The following STAT1 variants were observed in gnomAD, a reference collection of about 807,000 sequenced individuals.
STAT1 encodes signal transducer and activator of transcription 1, also known as signal transducer and activator of transcription 1-alpha/beta.
A neutral mutation model predicts 111.7 loss-of-function variants in STAT1; 24 were observed. The ratio of observed to expected loss-of-function variants is 0.21; its 90% CI spans 0.16 to 0.30. STAT1 has a LOEUF of 0.30. Ranked by LOEUF, STAT1 falls within the 10% of genes least tolerant of loss-of-function variation. The pLI is 1.00. For synonymous variants in STAT1, 332 were observed against 326.5 expected, an observed-to-expected ratio of 1.02 and a Z score of -0.18; for missense variants, 351 against 911.9, an observed-to-expected ratio of 0.38 and a Z score of 7.92.
In STAT1 at chr2:190,976,762, TG is replaced by T. The variant is rs2124999632; in HGVS notation, c.2059+77del. On this transcript the variant is annotated intron_variant, in intron 22 of 24. Coordinates refer to ENST00000361099, the MANE Select transcript of STAT1 (RefSeq NM_007315.4). The surrounding 1 kb of genome is among the most constrained non-coding windows in gnomAD (Gnocchi z 6.0). ...ACCAATTCGAAAGCAAAACACTGCA[TG>T]GGTGGAGTTTCAGAATAATCACCCC... 1 of 1,282,220 alleles carries T rather than the reference TG, an allele frequency of 7.8e-7. No homozygotes were observed. Among genetic ancestry groups the T allele is most frequent in the South Asian group, 1.2e-5 (1 of 83,276 alleles). 79.4% of individuals were successfully genotyped at this position (1,282,220 alleles called of 1,614,324 possible).
intron 2 of STAT1, 129 bp downstream of exon 2, chr2:191,013,396 T>A (rs997383192): frequency 4.4e-5 from 16 of 366,394 alleles, no homozygotes; most frequent in Non-Finnish European, 7.7e-5. Context: ...GGGTGGGGGG[T>A]CTGCAAAAAC....
In STAT1 at chr2:190,976,745, G is replaced by A. The variant is rs1691934651; in HGVS notation, c.2059+95C>T. ...TTTGAAAGCCTACTCTTACCAATTC[G>A]AAAGCAAAACACTGCATGGGTGGAG... On this transcript the variant is annotated intron_variant, in intron 22 of 24. Transcript: ENST00000361099. The surrounding 1 kb of genome is among the most constrained non-coding windows in gnomAD (Gnocchi z 6.0). 2 of 1,146,240 alleles carry A rather than the reference G, an allele frequency of 1.7e-6. No individual in the cohort carries two copies. The highest frequency in any genetic ancestry group is 2.6e-6 in the Non-Finnish European group (2 of 761,218). The allele number at this position is 1,146,240 out of a possible 1,614,324, so 71.0% of individuals were successfully genotyped here.
chr2:190,994,304 G>A (rs535138015), intron 10 of STAT1, among the ~76,000 whole-genome samples: 28 of 152,250 alleles, frequency 1.8e-4, no homozygotes, highest in African/African-American at 5.5e-4. Flanking sequence ...AAGGGGGGCC[G>A]TGAATGCCCA....
chr2:190,974,956 G>C lies in STAT1; in HGVS notation c.2136-24C>G. Reference sequence around the variant, plus strand: ...GACTAAAATGGGGAAAAAGAAAAGAGCAATGTCAACATCTGAGTGATGAAA... The same window carrying C: ...GACTAAAATGGGGAAAAAGAAAAGACCAATGTCAACATCTGAGTGATGAAA... On this transcript the variant is annotated intron_variant, in intron 23 of 24. Transcript: ENST00000361099. The surrounding 1 kb of genome is among the most constrained non-coding windows in gnomAD (Gnocchi z 4.8). The C allele has an allele frequency of 1.9e-6, 3 of 1,555,034 alleles. No individual in the cohort carries two copies. Among genetic ancestry groups the C allele is most frequent in the Non-Finnish European group, 2.7e-6 (3 of 1,126,948 alleles).
rs1035367119 is a variant in STAT1, at chr2:190,990,895, G to A, written c.1037+333C>T. Among the ~76,000 whole-genome samples the A allele has an allele frequency of 2.0e-5, 3 of 152,140 alleles. No individual in the cohort carries two copies. The highest frequency in any genetic ancestry group is 2.0e-4 in the Admixed American group (3 of 15,284). The stretch of plus-strand genomic sequence containing the variant: ...CTGGGGTTCATAAGGCTCAGGTTAT[G>A]AGCCTATGCCCAAGAGGGGTGAGGC... On this transcript the variant is annotated intron_variant, in intron 11 of 24. Coordinates refer to ENST00000361099, the MANE Select transcript of STAT1 (RefSeq NM_007315.4). The surrounding 1 kb of genome is among the most constrained non-coding windows in gnomAD (Gnocchi z 5.1).
intron 10 of STAT1, among the ~76,000 whole-genome samples, chr2:190,994,025 A>G (rs1212263928): frequency 6.6e-6 from 1 of 152,216 alleles, no homozygotes; most frequent in Admixed American, 6.5e-5. Flanking sequence ...ACGAAGGGTG[A>G]CTGTAGGCCA....
In STAT1 at chr2:190,986,757, G is replaced by A. The variant is rs1417787756; in HGVS notation, c.1221+97C>T. The A allele has an allele frequency of 3.4e-6, 4 of 1,178,972 alleles. No homozygotes were observed. Among genetic ancestry groups the A allele is most frequent in the Non-Finnish European group, 5.1e-6 (4 of 785,532 alleles). The allele number at this position is 1,178,972 out of a possible 1,614,324, so 73.0% of individuals were successfully genotyped here. On this transcript the variant is annotated intron_variant, in intron 14 of 24. Coordinates refer to ENST00000361099, the MANE Select transcript of STAT1 (RefSeq NM_007315.4). This position sits in a 1 kb window ranked among gnomAD's most constrained non-coding sequence, Gnocchi z 5.0. ...CAAAGTCTACAAACCCCAGCAGGGG[G>A]GCGTCCTCCACATGGCAATGTGCCA...
rs1559018883 is a variant in STAT1, at chr2:190,997,849, A to C, written c.785+7T>G. ...AGCTGCCAGTTTTCTGCTTTGGAGA[A>C]TCTTACCAGTTCTGCAGCTGATCCA... On this transcript the variant is annotated splice_region_variant and intron_variant, in intron 9 of 24. Coordinates refer to ENST00000361099, the MANE Select transcript of STAT1 (RefSeq NM_007315.4). The surrounding 1 kb of genome is among the most constrained non-coding windows in gnomAD (Gnocchi z 7.3). 6.2e-7 allele frequency: 1 copy of C among 1,614,172 alleles called. No individual in the cohort carries two copies. Among genetic ancestry groups the C allele is most frequent in the Admixed American group, 1.7e-5 (1 of 60,022 alleles).
intron 10 of STAT1, chr2:190,992,720 TC>T: frequency 8.4e-7 from 1 of 1,190,766 alleles, no homozygotes; most frequent in Admixed American, 2.8e-5. Context: ...CAGCTGTTGC[TC>T]CAGGACCCAT....
rs1195761738 is a variant in STAT1 at position 191,012,124 on chromosome 2, C to G, written c.-2+1401G>C. On this transcript the variant is annotated intron_variant, in intron 2 of 24. Coordinates refer to ENST00000361099, the MANE Select transcript of STAT1 (RefSeq NM_007315.4). This position sits in a 1 kb window ranked among gnomAD's most constrained non-coding sequence, Gnocchi z 4.0. ...CACAGAAGAGGTGAATTAATAAGCTCATGTTTGGGCTGGCCAGGTGGCTCA... is the reference window on the plus strand; with the variant it reads ...CACAGAAGAGGTGAATTAATAAGCTGATGTTTGGGCTGGCCAGGTGGCTCA... Among the ~76,000 whole-genome samples the G allele has an allele frequency of 6.6e-6, 1 of 151,234 alleles. No homozygotes were observed. Among genetic ancestry groups the G allele is most frequent in the Non-Finnish European group, 1.5e-5 (1 of 67,856 alleles).
rs1033248 is a variant in STAT1, at chr2:190,981,365, C to G, written c.1583-696G>C. Among the ~76,000 whole-genome samples the G allele has an allele frequency of 0.99, 150,931 of 152,360 alleles. 74,773 individuals are homozygous for G. Among genetic ancestry groups the G allele is most frequent in the Middle Eastern group, 1 (294 of 294 alleles). On this transcript the variant is annotated intron_variant, in intron 18 of 24. Transcript: ENST00000361099. This position sits in a 1 kb window ranked among gnomAD's most constrained non-coding sequence, Gnocchi z 4.1. ...CCTCCAAATAGGACATGGGCTCAGGCAGTCTGATGCAAATCAAAAACCAAG... is the reference window on the plus strand; with the variant it reads ...CCTCCAAATAGGACATGGGCTCAGGGAGTCTGATGCAAATCAAAAACCAAG...
chr2:190,984,474 A>G lies in STAT1; in HGVS notation c.1264-81T>C. On this transcript the variant is annotated intron_variant, in intron 15 of 24. Coordinates refer to ENST00000361099, the MANE Select transcript of STAT1 (RefSeq NM_007315.4). This position sits in a 1 kb window ranked among gnomAD's most constrained non-coding sequence, Gnocchi z 5.2. The stretch of plus-strand genomic sequence containing the variant: ...TTTCAAAAGCCCAATTAACATTGCA[A>G]CAGGCCACAGAGATCCTGGGCCCAA... 1 of 1,199,672 alleles carries G rather than the reference A, an allele frequency of 8.3e-7. No individual in the cohort carries two copies. Among genetic ancestry groups the G allele is most frequent in the Admixed American group, 1.9e-5 (1 of 52,826 alleles). 74.3% of individuals were successfully genotyped at this position (1,199,672 alleles called of 1,614,324 possible).
rs1408360611 is a variant in STAT1 at position 190,998,184 on chromosome 2, A to C, written c.633+33T>G. 1 of 1,594,638 alleles carries C rather than the reference A, an allele frequency of 6.3e-7. No homozygotes were observed. Among genetic ancestry groups the C allele is most frequent in the South Asian group, 1.1e-5 (1 of 90,696 alleles). On this transcript the variant is annotated intron_variant, in intron 8 of 24. Coordinates refer to ENST00000361099, the MANE Select transcript of STAT1 (RefSeq NM_007315.4). The surrounding 1 kb of genome is among the most constrained non-coding windows in gnomAD (Gnocchi z 4.1). ...TCCATTATTTACAGTGTATAACAAAAGTGGCATGCTATTCTGGAAAGTAAA... is the reference window on the plus strand; with the variant it reads ...TCCATTATTTACAGTGTATAACAAACGTGGCATGCTATTCTGGAAAGTAAA...
chr2:190,991,836 G>A (rs1166719551), intron 10 of STAT1, among the ~76,000 whole-genome samples: 1 of 152,020 alleles, frequency 6.6e-6, no homozygotes, highest in Non-Finnish European at 1.5e-5. Flanking sequence ...CAGTCTGGAT[G>A]ACAGAGTGAG....
Position 191,007,187 on chromosome 2 carries a change from C to G in STAT1, c.372+376G>C, listed in dbSNP as rs922748770. Among the ~76,000 whole-genome samples, 1 of 152,234 alleles carries G rather than the reference C, an allele frequency of 6.6e-6. No individual in the cohort carries two copies. The highest frequency in any genetic ancestry group is 2.4e-5 in the African/African-American group (1 of 41,462). Reference sequence around the variant, plus strand: ...AAGCTTCCACTGCCTCTACCTTGGACAGCTGCAAGAACCCTCTATCTGCCT... The same window carrying G: ...AAGCTTCCACTGCCTCTACCTTGGAGAGCTGCAAGAACCCTCTATCTGCCT... On this transcript the variant is annotated intron_variant, in intron 5 of 24. Coordinates refer to ENST00000361099, the MANE Select transcript of STAT1 (RefSeq NM_007315.4). This position sits in a 1 kb window ranked among gnomAD's most constrained non-coding sequence, Gnocchi z 4.2.
chr2:190,979,022 C>A lies in STAT1; in HGVS notation c.1728-21G>T. On this transcript the variant is annotated intron_variant, in intron 20 of 24. Coordinates refer to ENST00000361099, the MANE Select transcript of STAT1 (RefSeq NM_007315.4). This position sits in a 1 kb window ranked among gnomAD's most constrained non-coding sequence, Gnocchi z 5.8. Reference sequence around the variant, plus strand: ...TGCACCTGGATATCGAAGAGATGGACGGATGGGCTTTTAGTTCAATCATGA... The same window carrying A: ...TGCACCTGGATATCGAAGAGATGGAAGGATGGGCTTTTAGTTCAATCATGA... The A allele has an allele frequency of 6.2e-7, 1 of 1,613,978 alleles. No individual in the cohort carries two copies. The highest frequency in any genetic ancestry group is 1.1e-5 in the South Asian group (1 of 91,060).
Position 190,987,288 on chromosome 2 carries a change from G to GACCTTT in STAT1, c.1098-221_1098-220insAAAGGT, listed in dbSNP as rs1559012227. On this transcript the variant is annotated intron_variant, in intron 12 of 24. Transcript: ENST00000361099. This position sits in a 1 kb window ranked among gnomAD's most constrained non-coding sequence, Gnocchi z 4.0. ...ATGACCTTTGGCAAATAAATGGTCT[G>GACCTTT]GGCCTTACATTGTTCATTTGCACAA... Among the ~76,000 whole-genome samples the GACCTTT allele has an allele frequency of 1.3e-5, 2 of 152,144 alleles. No individual in the cohort carries two copies. Among genetic ancestry groups the GACCTTT allele is most frequent in the African/African-American group, 4.8e-5 (2 of 41,426 alleles).
In STAT1 at chr2:190,976,798, A is replaced by G. The variant is rs562765054; in HGVS notation, c.2059+42T>C. 1 of 1,559,612 alleles carries G rather than the reference A, an allele frequency of 6.4e-7. No individual in the cohort carries two copies. The highest frequency in any genetic ancestry group is 2.2e-5 in the East Asian group (1 of 44,608). ...TCAGAATAATCACCCCCTCATCAGG[A>G]AAGACTGTGCCACGCTGTTACCACC... On this transcript the variant is annotated intron_variant, in intron 22 of 24. Coordinates refer to ENST00000361099, the MANE Select transcript of STAT1 (RefSeq NM_007315.4). This position sits in a 1 kb window ranked among gnomAD's most constrained non-coding sequence, Gnocchi z 6.0.
Position 191,003,969 on chromosome 2 carries a change from T to C in STAT1, c.373-2806A>G, listed in dbSNP as rs535852430. On this transcript the variant is annotated intron_variant, in intron 5 of 24. Coordinates refer to ENST00000361099, the MANE Select transcript of STAT1 (RefSeq NM_007315.4). This position sits in a 1 kb window ranked among gnomAD's most constrained non-coding sequence, Gnocchi z 4.0. ...TAAACAATGGCTGTAAAACAGCAGCTACATCCCCAGCTTCTACATCCCCTT... is the reference window on the plus strand; with the variant it reads ...TAAACAATGGCTGTAAAACAGCAGCCACATCCCCAGCTTCTACATCCCCTT... Among the ~76,000 whole-genome samples, 1 of 152,326 alleles carries C rather than the reference T, an allele frequency of 6.6e-6. No homozygotes were observed. Among genetic ancestry groups the C allele is most frequent in the South Asian group, 2.1e-4 (1 of 4,824 alleles).
Sources: allele counts gnomAD v4.1 joint callset (sites outside exome capture counted in the v4.1 genomes callset), GRCh38; gene constraint gnomAD v4.1.1; non-coding constraint Gnocchi (gnomAD v3.1); transcripts MANE v1.5; gene names NCBI Gene and HGNC (gene_info 2026-07-23, HGNC 2026-07-21).